Variants in REPS2 observed in about 807,000 individuals in gnomAD.
The protein encoded by REPS2 is ralBP1-associated Eps domain-containing protein 2.
REPS2 carries 23 observed loss-of-function variants against 53.6 expected under a neutral mutation model. The observed-to-expected ratio is 0.43, with a 90% CI of 0.31 to 0.61. The LOEUF (loss-of-function observed/expected upper bound fraction) is 0.61. Ranked by LOEUF, REPS2 falls within the 20% of genes least tolerant of loss-of-function variation. The probability of loss-of-function intolerance (pLI) is 0.11; values close to 1 mark genes in which losing one functional copy is unlikely to be tolerated. For synonymous variants in REPS2, 238 were observed against 218.6 expected, an observed-to-expected ratio of 1.09 and a Z score of -0.78; for missense variants, 446 against 534.9, an observed-to-expected ratio of 0.83 and a Z score of 1.64.
At chrX:17,167,258 G>C in the REPS2 span, among the ~76,000 whole-genome samples, 2 of 112,062 alleles carry the variant, frequency 1.8e-5, no homozygotes, top group African/African-American at 6.5e-5. Flanking sequence ...GATTATGAGG[G>C]AGCACTAACT....
At chrX:17,072,409 A>G (rs767482507) in intron 11 of REPS2, among the ~76,000 whole-genome samples, 39 of 111,256 alleles carry the variant, frequency 3.5e-4, no homozygotes, top group African/African-American at 1.2e-3. Context: ...GGAGGGCCTT[A>G]GTCTCAGGAC....
intron 14 of REPS2, among the ~76,000 whole-genome samples, chrX:17,120,278 T>G (rs1399359761): frequency 8.9e-6 from 1 of 111,732 alleles, no homozygotes; most frequent in African/African-American, 3.3e-5. Context: ...GAAAGGACAA[T>G]GGAGGACAAC....
rs751015675 is a variant in REPS2, at chrX:17,147,481, A to AC, written c.*7dup. 59 of 1,177,229 alleles carry AC rather than the reference A, an allele frequency of 5.0e-5. No individual in the cohort carries two copies. The highest frequency in any genetic ancestry group is 1.1e-4 in the Admixed American group (5 of 43,687). On this transcript the variant is annotated 3_prime_UTR_variant, in exon 18 of 18. Transcript: ENST00000357277. Reference sequence around the variant, plus strand: ...AACTTCGTCCGGTCACTGTGTTGTGACCCCCCCATGGTTCAAGTGACAGTG... The same window carrying AC: ...AACTTCGTCCGGTCACTGTGTTGTGACCCCCCCCATGGTTCAAGTGACAGTG...
intron 1 of REPS2, among the ~76,000 whole-genome samples, chrX:17,002,864 G>A (rs900747608): frequency 3.6e-5 from 4 of 112,054 alleles, no homozygotes; most frequent in African/African-American, 1.3e-4. Flanking sequence ...AGCTGAGCAG[G>A]AAGGGAACAG....
At chrX:16,952,508 G>C (rs1367109334) in intron 1 of REPS2, among the ~76,000 whole-genome samples, 1 of 112,088 alleles carries the variant, frequency 8.9e-6, no homozygotes, top group East Asian at 2.8e-4. Context: ...AGTGTTGTCT[G>C]ATTGTTTAAA....
At chrX:17,115,636 C>A (rs2063042286) in intron 14 of REPS2, among the ~76,000 whole-genome samples, 1 of 112,170 alleles carries the variant, frequency 8.9e-6, no homozygotes, top group South Asian at 3.8e-4. Context: ...TGGGGAGAAA[C>A]CTTGGACAAT....
intron 1 of REPS2, among the ~76,000 whole-genome samples, chrX:16,950,853 C>T (rs1308138175): frequency 8.9e-6 from 1 of 112,271 alleles, no homozygotes; most frequent in Non-Finnish European, 1.9e-5. Context: ...ACTTTGAGAT[C>T]AGCCTGGGTA....
intron 14 of REPS2, among the ~76,000 whole-genome samples, chrX:17,108,479 G>C (rs1186616653): frequency 9.0e-6 from 1 of 111,479 alleles, no homozygotes; most frequent in Non-Finnish European, 1.9e-5. Flanking sequence ...GCGAGTTTGT[G>C]TTTATTCTGT....
chrX:17,039,925 C>G (rs1476373774), intron 5 of REPS2, among the ~76,000 whole-genome samples: 3 of 112,696 alleles, frequency 2.7e-5, no homozygotes, highest in Non-Finnish European at 5.6e-5. Flanking sequence ...TCTTCTGTGT[C>G]TAAGTGATCG....
chrX:16,968,705 C>T (rs1354817841), intron 1 of REPS2, among the ~76,000 whole-genome samples: 2 of 97,406 alleles, frequency 2.1e-5, no homozygotes, highest in Non-Finnish European at 4.2e-5. Context: ...GCTGACCCCC[C>T]CCACCTCCCT....
the REPS2 span, among the ~76,000 whole-genome samples, chrX:17,192,060 G>T: frequency 1.8e-5 from 2 of 112,359 alleles, no homozygotes; most frequent in Non-Finnish European, 3.8e-5. Context: ...AACAACAAGT[G>T]CATGTATTAT....
chrX:16,964,035 T>C lies in REPS2; in HGVS notation c.273+16901T>C, dbSNP rs1480451177. Among the ~76,000 whole-genome samples, 3 of 109,182 alleles carry C rather than the reference T, an allele frequency of 2.7e-5. No homozygotes were observed. In the Admixed American group the frequency reaches 2.9e-4, roughly 11 times the overall value. 94.8% of individuals were successfully genotyped at this position (109,182 alleles called of 115,157 possible). On this transcript the variant is annotated intron_variant, in intron 1 of 17. Transcript: ENST00000357277. ...TAATTTAATTTAATTTTATTATTAT[T>C]ATTATTATTTTTTATTGATCATTCT...
chrX:17,076,842 A>G (rs1179155125), intron 12 of REPS2, among the ~76,000 whole-genome samples: 2 of 111,747 alleles, frequency 1.8e-5, no homozygotes, highest in African/African-American at 6.5e-5. Flanking sequence ...ATCTGTCCCA[A>G]TTCCACATGA....
chrX:16,955,861 G>A (rs1031329953), intron 1 of REPS2, among the ~76,000 whole-genome samples: 24 of 112,230 alleles, frequency 2.1e-4, no homozygotes, highest in African/African-American at 6.5e-4. Context: ...GGATTTGTCT[G>A]AAGTAGAAAA....
chrX:17,126,965 G>T (rs1190409493), intron 14 of REPS2, among the ~76,000 whole-genome samples: 1 of 112,135 alleles, frequency 8.9e-6, no homozygotes, highest in African/African-American at 3.2e-5. Flanking sequence ...TACATGGGTT[G>T]TTCTAGCACT....
intron 15 of REPS2, 37 bp downstream of exon 15, chrX:17,133,944 C>A: frequency 2.0e-6 from 2 of 1,024,181 alleles, no homozygotes; most frequent in Non-Finnish European, 2.8e-6. Flanking sequence ...GATGGCGTTG[C>A]GAGTCCCACC....
intron 1 of REPS2, 86 bp downstream of exon 1, chrX:16,947,220 C>G: frequency 1.1e-6 from 1 of 931,653 alleles, no homozygotes; most frequent in Non-Finnish European, 1.3e-6. Context: ...CAGGGCTGCC[C>G]CCAGGGACCC....
intron 13 of REPS2, chrX:17,100,065 T>C: frequency 8.7e-7 from 1 of 1,144,182 alleles, no homozygotes; most frequent in Non-Finnish European, 1.2e-6. Flanking sequence ...AGAATCAGCT[T>C]TGTGCTTGCC....
At chrX:17,011,668 CA>C (rs1213125429) in intron 2 of REPS2, among the ~76,000 whole-genome samples, 1 of 112,451 alleles carries the variant, frequency 8.9e-6, no homozygotes, top group Non-Finnish European at 1.9e-5. Flanking sequence ...GTAATCCCAG[CA>C]CTTTGGGAGG....
Sources: allele counts gnomAD v4.1 joint callset (sites outside exome capture counted in the v4.1 genomes callset), GRCh38; gene constraint gnomAD v4.1.1; transcripts MANE v1.5; gene names NCBI Gene and HGNC (gene_info 2026-07-23, HGNC 2026-07-21).